Variants in KCNK13 observed in about 807,000 individuals in gnomAD.
KCNK13 encodes potassium two pore domain channel subfamily K member 13, also known as potassium channel subfamily K member 13.
Under a neutral mutation model 23.4 loss-of-function variants are expected in KCNK13, and 12 were observed. The ratio of observed to expected loss-of-function variants is 0.51; its 90% CI spans 0.33 to 0.83. The LOEUF (loss-of-function observed/expected upper bound fraction) is 0.83. KCNK13 is among the 40% of genes least tolerant of loss of function. The pLI, the probability that KCNK13 is intolerant of heterozygous loss-of-function variation, is 0.02. For missense variants in KCNK13, 463 were observed against 556.3 expected, an observed-to-expected ratio of 0.83 and a Z score of 1.69; for synonymous variants, 231 against 229.5, an observed-to-expected ratio of 1.01 and a Z score of -0.06.
rs565116895 is a variant in KCNK13, at chr14:90,095,597, A to G, written c.334+33058A>G. ...AGCAGTTATTCTCAAACTTGTTCAG[A>G]TGGTCTAAGAGTGGAAAAACTTAAG... On this transcript the variant is annotated intron_variant, in intron 1 of 1. Coordinates refer to ENST00000282146, the MANE Select transcript of KCNK13 (RefSeq NM_022054.4). Among the ~76,000 whole-genome samples, 17 of 152,072 alleles carry G rather than the reference A, an allele frequency of 1.1e-4. 1 individual carries two copies. Among genetic ancestry groups the G allele is most frequent in the Admixed American group, 2.0e-4 (3 of 15,274 alleles).
chr14:90,147,004 TTTA>T (rs1890080445), intron 1 of KCNK13, among the ~76,000 whole-genome samples: 1 of 152,122 alleles, frequency 6.6e-6, no homozygotes, highest in Non-Finnish European at 1.5e-5. Flanking sequence ...AGGCTTAAGG[TTTA>T]TAATATACAT....
At chr14:90,119,742 G>A (rs1356277040) in intron 1 of KCNK13, among the ~76,000 whole-genome samples, 1 of 152,084 alleles carries the variant, frequency 6.6e-6, no homozygotes, top group Non-Finnish European at 1.5e-5. Context: ...TAGGATTACA[G>A]GCACCCAACA....
rs554759124 is a variant in KCNK13, at chr14:90,110,786, A to T, written c.334+48247A>T. Reference sequence around the variant, plus strand: ...CACTTTGGGAGGCCGAGGCGGGCAGATCACCTGAGGTCAGGAGTTTGAGAC... The same window carrying T: ...CACTTTGGGAGGCCGAGGCGGGCAGTTCACCTGAGGTCAGGAGTTTGAGAC... On this transcript the variant is annotated intron_variant, in intron 1 of 1. Transcript: ENST00000282146. Among the ~76,000 whole-genome samples, 6 of 152,064 alleles carry T rather than the reference A, an allele frequency of 3.9e-5. No individual in the cohort carries two copies. The East Asian group carries it at 1.2e-3, about 30-fold the overall frequency.
intron 1 of KCNK13, among the ~76,000 whole-genome samples, chr14:90,085,308 T>A (rs1297980653): frequency 6.6e-6 from 1 of 152,132 alleles, no homozygotes; most frequent in Admixed American, 6.6e-5. Context: ...ATAATTTTTT[T>A]AATATGTTGC....
At chr14:90,063,433 T>C (rs1458573105) in intron 1 of KCNK13, among the ~76,000 whole-genome samples, 1 of 152,042 alleles carries the variant, frequency 6.6e-6, no homozygotes, top group African/African-American at 2.4e-5. Context: ...GCCACACCCC[T>C]AAAGATTGTT....
intron 1 of KCNK13, among the ~76,000 whole-genome samples, chr14:90,127,448 C>T (rs939944325): frequency 8.2e-6 from 1 of 122,068 alleles, no homozygotes; most frequent in East Asian, 2.6e-4. Flanking sequence ...AAAGTGCTCA[C>T]CATACTTTTT....
chr14:90,131,053 C>T (rs576785781), intron 1 of KCNK13, among the ~76,000 whole-genome samples: 18 of 152,158 alleles, frequency 1.2e-4, no homozygotes, highest in Admixed American at 3.3e-4. Flanking sequence ...CTGTGTGCCT[C>T]GCAGGGCTGC....
chr14:90,100,235 C>A (rs1018145303), intron 1 of KCNK13, among the ~76,000 whole-genome samples: 2 of 152,136 alleles, frequency 1.3e-5, no homozygotes, highest in Non-Finnish European at 2.9e-5. Context: ...CATTTAAGAA[C>A]CTTGATGTAA....
At chr14:90,181,106 C>T (rs1167605480) in intron 1 of KCNK13, among the ~76,000 whole-genome samples, 4 of 152,274 alleles carry the variant, frequency 2.6e-5, no homozygotes, top group South Asian at 2.1e-4. Flanking sequence ...CCGCCCACCT[C>T]GGCCTCCCAA....
intron 1 of KCNK13, among the ~76,000 whole-genome samples, chr14:90,087,114 A>G (rs1889284965): frequency 7.5e-6 from 1 of 133,130 alleles, no homozygotes; most frequent in Admixed American, 8.3e-5. Flanking sequence ...TTATATATAT[A>G]TACATATATA....
rs79280583 is a variant in KCNK13 at position 90,169,287 on chromosome 14, C to G, written c.335-14824C>G. On this transcript the variant is annotated intron_variant, in intron 1 of 1. Transcript: ENST00000282146. The stretch of plus-strand genomic sequence containing the variant: ...TATCTTTGGTGTCATCTGCAGGTGA[C>G]TCAGAAGAGGTGTTGACTTGATTTT... Among the ~76,000 whole-genome samples, 1,434 of 152,308 alleles carry G rather than the reference C, an allele frequency of 9.4e-3. 26 individuals carry two copies. The highest frequency in any genetic ancestry group is 0.033 in the African/African-American group (1,358 of 41,558).
rs142400381 is a variant in KCNK13 at position 90,086,970 on chromosome 14, G to A, written c.334+24431G>A. ...ACAACCCTGACATAGGATGAGCAGG[G>A]CCTGTAGCTTTGGCACCAGTGAAAT... On this transcript the variant is annotated intron_variant, in intron 1 of 1. Transcript: ENST00000282146. Among the ~76,000 whole-genome samples, 470 of 151,836 alleles carry A rather than the reference G, an allele frequency of 3.1e-3. 3 individuals are homozygous for A. Among genetic ancestry groups the A allele is most frequent in the African/African-American group, 0.011 (449 of 41,370 alleles).
chr14:90,074,284 G>T (rs1889111204), intron 1 of KCNK13, among the ~76,000 whole-genome samples: 2 of 152,208 alleles, frequency 1.3e-5, no homozygotes, highest in South Asian at 4.1e-4. Flanking sequence ...TTATCTATTT[G>T]ATTGTTTCAG....
At chr14:90,152,483 C>T (rs1200989214) in intron 1 of KCNK13, among the ~76,000 whole-genome samples, 2 of 152,010 alleles carry the variant, frequency 1.3e-5, no homozygotes, top group African/African-American at 4.8e-5. Flanking sequence ...TGTGGTGACC[C>T]GAGATCGCGC....
chr14:90,101,954 G>A (rs1007868213), intron 1 of KCNK13, among the ~76,000 whole-genome samples: 1 of 151,446 alleles, frequency 6.6e-6, no homozygotes, highest in African/African-American at 2.4e-5. Context: ...CGCGAACTTG[G>A]CTCACTGCAA....
At chr14:90,066,402 G>T (rs1347864970) in intron 1 of KCNK13, among the ~76,000 whole-genome samples, 1 of 152,032 alleles carries the variant, frequency 6.6e-6, no homozygotes, top group African/African-American at 2.4e-5. Flanking sequence ...AAGTAGCTGG[G>T]ATTACAGGTG....
At chr14:90,106,991 A>C (rs1474451641) in intron 1 of KCNK13, among the ~76,000 whole-genome samples, 1 of 152,128 alleles carries the variant, frequency 6.6e-6, no homozygotes, top group Non-Finnish European at 1.5e-5. Context: ...ACTGCACCCC[A>C]GCCTGGGAGA....
At chr14:90,142,313 C>CTTTTTTTTTTT (rs59863610) in intron 1 of KCNK13, among the ~76,000 whole-genome samples, 1 of 85,250 alleles carries the variant, frequency 1.2e-5, no homozygotes, top group Non-Finnish European at 2.0e-5. Context: ...CTGTCCAATT[C>CTTTTTTTTTTT]TTTTTTTTTT....
chr14:90,087,225 A>G lies in KCNK13; in HGVS notation c.334+24686A>G, dbSNP rs1889291999. Among the ~76,000 whole-genome samples the G allele has an allele frequency of 3.4e-5, 5 of 148,674 alleles. No homozygotes were observed. In the South Asian group the frequency reaches 1.1e-3, roughly 31 times the overall value. ...GGTCTCAAACTCCTGGGCTGAAGCA[A>G]TCTGCCTGCCTCAGCCTTTCAAAGT... On this transcript the variant is annotated intron_variant, in intron 1 of 1. Transcript: ENST00000282146.
Sources: allele counts gnomAD v4.1 joint callset (sites outside exome capture counted in the v4.1 genomes callset), GRCh38; gene constraint gnomAD v4.1.1; transcripts MANE v1.5; gene names NCBI Gene and HGNC (gene_info 2026-07-23, HGNC 2026-07-21).